PPIH: variants seen among roughly 807,000 people sequenced by gnomAD.
The protein encoded by PPIH is peptidyl-prolyl cis-trans isomerase H.
In PPIH, 16 loss-of-function variants were observed where a neutral mutation model predicts 27.6. The ratio of observed to expected loss-of-function variants is 0.58; its 90% CI spans 0.39 to 0.88. PPIH has a LOEUF of 0.88. PPIH is among the 40% of genes least tolerant of loss of function. The pLI is 0.00. For missense variants in PPIH, 155 were observed against 224.1 expected (o/e 0.69, Z 1.97); for synonymous variants, 63 against 76.1 (o/e 0.83, Z 0.90).
downstream of PPIH, among the ~76,000 whole-genome samples, chr1:42,679,837 G>T (rs192613130): frequency 1.3e-5 from 2 of 152,240 alleles, no homozygotes; most frequent in Non-Finnish European, 2.9e-5. Context: ...AACAACAGCT[G>T]TGGAATCCAC....
intron 5 of PPIH, among the ~76,000 whole-genome samples, chr1:42,663,218 G>T (rs1649141321): frequency 6.6e-6 from 1 of 152,046 alleles, no homozygotes. Context: ...TAGCTTATTT[G>T]ATTATTTATA....
intron 4 of PPIH, among the ~76,000 whole-genome samples, chr1:42,660,286 C>G (rs1470633118): frequency 2.0e-5 from 3 of 152,172 alleles, no homozygotes; most frequent in African/African-American, 7.2e-5. Flanking sequence ...GCTTTCAGCC[C>G]CTTCTTCTTA....
chr1:42,679,930 G>A (rs1649980030), downstream of PPIH, among the ~76,000 whole-genome samples: 1 of 152,196 alleles, frequency 6.6e-6, no homozygotes, highest in Admixed American at 6.5e-5. Flanking sequence ...TCTGCTGCCA[G>A]TACCTTTTTC....
chr1:42,666,365 T>C (rs1453665957), intron 7 of PPIH, among the ~76,000 whole-genome samples, 182 bp from the exon 8 acceptor site: 2 of 152,200 alleles, frequency 1.3e-5, no homozygotes, highest in Non-Finnish European at 2.9e-5. Flanking sequence ...CACTCAGGTA[T>C]AAGTTTGAGC....
chr1:42,662,363 C>A (rs928272598), intron 5 of PPIH, among the ~76,000 whole-genome samples: 4 of 152,046 alleles, frequency 2.6e-5, no homozygotes, highest in African/African-American at 9.7e-5. Flanking sequence ...CATAGTAAGA[C>A]CCTGTCTCTA....
At chr1:42,659,202 A>T in intron 2 of PPIH, 26 bp from the exon 3 acceptor site, 5 of 1,613,992 alleles carry the variant, frequency 3.1e-6, no homozygotes, top group Non-Finnish European at 4.2e-6. Flanking sequence ...ATAGTGATTG[A>T]ATCATTCATT....
chr1:42,662,710 G>A (rs1228912072), intron 5 of PPIH, among the ~76,000 whole-genome samples: 2 of 152,046 alleles, frequency 1.3e-5, no homozygotes, highest in Non-Finnish European at 2.9e-5. Flanking sequence ...TATTATTTTG[G>A]TTGCAAAAGA....
In PPIH at chr1:42,659,228, G is replaced by A; in HGVS notation, c.132G>A (p.Arg44=). 1 of 1,614,070 alleles carries A rather than the reference G, an allele frequency of 6.2e-7. No homozygotes were observed. Among genetic ancestry groups the A allele is most frequent in the Non-Finnish European group, 8.5e-7 (1 of 1,180,016 alleles). ...ATCATTCATTTTTTGTCCCTTTCAG[G>A]CAGTTCTGCACCGGAGAATTCAGGT... ...DVVPKTAENF[R]QFCTGEFRKD... is the part of the protein sequence containing the mutation. Residue 44 remains arginine, a splice_region_variant and synonymous_variant, in exon 3 of 10, where the codon AGG becomes AGA. Transcript: ENST00000304979.
At chr1:42,676,456 G>A (rs1649886076) in intron 9 of PPIH, 128 bp from the exon 10 acceptor site, 1 of 151,392 alleles carries the variant, frequency 6.6e-6, no homozygotes, top group Admixed American at 6.6e-5. Flanking sequence ...CAACAGAATG[G>A]GACTCTGTCT....
chr1:42,679,764 T>C (rs1369082186), downstream of PPIH, among the ~76,000 whole-genome samples: 1 of 152,376 alleles, frequency 6.6e-6, no homozygotes, highest in Non-Finnish European at 1.5e-5. Context: ...GTCCTCAGTG[T>C]TGGCAGGACT....
intron 9 of PPIH, among the ~76,000 whole-genome samples, chr1:42,676,060 C>A (rs1356349942): frequency 6.6e-6 from 1 of 152,184 alleles, no homozygotes; most frequent in African/African-American, 2.4e-5. Context: ...TTGCTTTCTT[C>A]CTGGTTCTTT....
rs557446659 is a variant in PPIH at position 42,675,545 on chromosome 1, C to T, written c.*22-1039C>T. ...TGACAGAGCTTAGGTCCTGGCACAC[C>T]ATGCAGCTTACAAAGTACATTTATA... On this transcript the variant is annotated intron_variant, in intron 9 of 9. Transcript: ENST00000304979. Among the ~76,000 whole-genome samples, 5 of 152,342 alleles carry T rather than the reference C, an allele frequency of 3.3e-5. No homozygotes were observed. In the South Asian group the frequency reaches 1.0e-3, roughly 32 times the overall value.
chr1:42,668,107 A>C (rs1214575365), intron 9 of PPIH, among the ~76,000 whole-genome samples: 1 of 152,226 alleles, frequency 6.6e-6, no homozygotes, highest in Non-Finnish European at 1.5e-5. Flanking sequence ...TGACATTGCC[A>C]AGTATGAGAA....
intron 9 of PPIH, among the ~76,000 whole-genome samples, chr1:42,672,174 T>C (rs772425726): frequency 7.9e-5 from 12 of 152,152 alleles, no homozygotes; most frequent in Non-Finnish European, 1.6e-4. Flanking sequence ...TAAGCCACCA[T>C]GCCTGGCCGG....
At chr1:42,678,809 G>A (rs1366897851), downstream of PPIH, 1 of 152,212 alleles carries the variant, frequency 6.6e-6, no homozygotes, top group Non-Finnish European at 1.5e-5. Context: ...GAATGATAGT[G>A]GTATGAGAGG....
chr1:42,660,452 C>A (rs1183087753), intron 4 of PPIH, among the ~76,000 whole-genome samples: 1 of 152,058 alleles, frequency 6.6e-6, no homozygotes, highest in Non-Finnish European at 1.5e-5. Context: ...TTTTTTGAGA[C>A]AGAGTCCCAC....
At position 42,676,601 on chromosome 1, in the gene PPIH, G is replaced by C. The variant is rs1344313985; in HGVS notation, c.*39G>C. ...CATTGTAGGCCTTCCCTTCTTCTTGGTGGTGTTCTTGAGTAAGATAATCTG... is the reference window on the plus strand; with the variant it reads ...CATTGTAGGCCTTCCCTTCTTCTTGCTGGTGTTCTTGAGTAAGATAATCTG... On this transcript the variant is annotated 3_prime_UTR_variant, in exon 10 of 10. Coordinates refer to ENST00000304979, the MANE Select transcript of PPIH (RefSeq NM_006347.4). The C allele has an allele frequency of 6.6e-6, 1 of 151,832 alleles. No homozygotes were observed. The highest frequency in any genetic ancestry group is 6.6e-5 in the Admixed American group (1 of 15,224). The allele number at this position is 151,832 out of a possible 1,614,324, so 9.4% of individuals were successfully genotyped here.
At chr1:42,680,195 AC>A (rs753918631), downstream of PPIH, among the ~76,000 whole-genome samples, 122 of 152,198 alleles carry the variant, frequency 8.0e-4, no homozygotes, top group Admixed American at 4.3e-3. Context: ...TCCAAACGTA[AC>A]AGTGGCTAAA....
At chr1:42,673,031 G>T (rs900676701) in intron 9 of PPIH, among the ~76,000 whole-genome samples, 3 of 151,636 alleles carry the variant, frequency 2.0e-5, no homozygotes, top group African/African-American at 7.3e-5. Flanking sequence ...GTCTTACTCT[G>T]TCACCCAGGC....
Sources: gnomAD v4.1 joint callset for allele counts (sites outside exome capture counted in the v4.1 genomes callset) on GRCh38, gnomAD v4.1.1 for gene constraint, MANE v1.5 for transcripts, NCBI Gene and HGNC (gene_info 2026-07-23, HGNC 2026-07-21) for gene names.